Variants in GRHL2 observed in about 807,000 individuals in gnomAD.
GRHL2 encodes grainyhead like transcription factor 2.
A neutral mutation model predicts 83.8 loss-of-function variants in GRHL2; 21 were observed. That is an observed-to-expected ratio of 0.25 (90% CI 0.18 to 0.36). GRHL2 has a LOEUF of 0.36. GRHL2 is among the 10% of genes least tolerant of loss of function. The probability of loss-of-function intolerance (pLI) is 1.00; values close to 1 mark genes in which losing one functional copy is unlikely to be tolerated. For missense variants in GRHL2, 623 were observed against 781.8 expected, an observed-to-expected ratio of 0.80 and a Z score of 2.42; for synonymous variants, 280 against 278.9, an observed-to-expected ratio of 1.00 and a Z score of -0.04.
intron 1 of GRHL2, among the ~76,000 whole-genome samples, chr8:101,537,216 A>G (rs1811061940): frequency 6.6e-6 from 1 of 152,170 alleles, no homozygotes; most frequent in African/African-American, 2.4e-5. Context: ...AAAGGATTCT[A>G]TGTAGAAATA....
chr8:101,579,827 C>T (rs1586114299), intron 7 of GRHL2, among the ~76,000 whole-genome samples: 1 of 152,140 alleles, frequency 6.6e-6, no homozygotes, highest in East Asian at 1.9e-4. Context: ...GAGAAGGTTT[C>T]TGAGGTCACT....
intron 3 of GRHL2, among the ~76,000 whole-genome samples, chr8:101,557,219 C>A (rs1811505877): frequency 7.5e-6 from 1 of 133,840 alleles, no homozygotes; most frequent in Admixed American, 8.2e-5. Flanking sequence ...ACTGAATTAA[C>A]AATACTTTTT....
At chr8:101,507,123 T>C (rs1810356633) in intron 1 of GRHL2, among the ~76,000 whole-genome samples, 1 of 152,210 alleles carries the variant, frequency 6.6e-6, no homozygotes, top group African/African-American at 2.4e-5. Flanking sequence ...TATTCAAAAA[T>C]AAATTGAGAT....
chr8:101,540,766 A>G (rs1480564792), intron 1 of GRHL2, among the ~76,000 whole-genome samples: 6 of 152,236 alleles, frequency 3.9e-5, no homozygotes. Context: ...TAGGAATGTC[A>G]GCAAAAATAG....
chr8:101,529,823 C>T (rs1327941413), intron 1 of GRHL2, among the ~76,000 whole-genome samples: 1 of 152,116 alleles, frequency 6.6e-6, no homozygotes, highest in Admixed American at 6.5e-5. Flanking sequence ...AAGCTCTGGC[C>T]ACAGGCTCTG....
chr8:101,492,845 A>T, intron 1 of GRHL2, 56 bp downstream of exon 1: 1 of 1,540,276 alleles, frequency 6.5e-7, no homozygotes, highest in South Asian at 1.1e-5. Flanking sequence ...GGCTGATGGC[A>T]ACTGGTTTGT....
At chr8:101,547,641 C>T (rs953748143) in intron 2 of GRHL2, among the ~76,000 whole-genome samples, 2 of 152,196 alleles carry the variant, frequency 1.3e-5, no homozygotes, top group East Asian at 3.8e-4. Flanking sequence ...GTGGGATTTA[C>T]CCAAGATCAC....
chr8:101,652,031 A>G (rs1813632958), intron 14 of GRHL2, among the ~76,000 whole-genome samples: 2 of 152,126 alleles, frequency 1.3e-5, no homozygotes, highest in South Asian at 4.1e-4. Flanking sequence ...AAGCAAGGGC[A>G]TAAGCATGCT....
At chr8:101,566,873 G>A (rs906441267) in intron 4 of GRHL2, among the ~76,000 whole-genome samples, 3 of 151,570 alleles carry the variant, frequency 2.0e-5, no homozygotes, top group South Asian at 2.1e-4. Context: ...TTTGATTAGC[G>A]TTTTTTCCTA....
intron 7 of GRHL2, among the ~76,000 whole-genome samples, chr8:101,590,563 T>C (rs1812257980): frequency 6.6e-6 from 1 of 152,164 alleles, no homozygotes; most frequent in African/African-American, 2.4e-5. Context: ...GTCTCTATTT[T>C]GTAGATTAGG....
chr8:101,539,413 C>A (rs975368611), intron 1 of GRHL2, among the ~76,000 whole-genome samples: 6 of 152,152 alleles, frequency 3.9e-5, no homozygotes, highest in Non-Finnish European at 8.8e-5. Context: ...GTTTTACTCT[C>A]CAAGTGGAGG....
Position 101,532,034 on chromosome 8 carries a change from G to A in GRHL2, c.21-11207G>A, listed in dbSNP as rs567192410. Among the ~76,000 whole-genome samples the A allele has an allele frequency of 2.6e-5, 4 of 152,282 alleles. No homozygotes were observed. In the South Asian group the frequency reaches 6.2e-4, roughly 24 times the overall value. ...TTTCCCGAGCATAGCCATCTTTAAC[G>A]TGAAGCTATCAATATCGTCCTGGGC... On this transcript the variant is annotated intron_variant, in intron 1 of 15. Coordinates refer to ENST00000646743, the MANE Select transcript of GRHL2 (RefSeq NM_024915.4).
At chr8:101,592,103 T>TC (rs1554589905) in intron 7 of GRHL2, among the ~76,000 whole-genome samples, 4 of 130,476 alleles carry the variant, frequency 3.1e-5, no homozygotes, top group African/African-American at 8.9e-5. Flanking sequence ...TTCTTTTCTT[T>TC]TTTTTTTTTT....
At chr8:101,514,779 G>A (rs536635527) in intron 1 of GRHL2, among the ~76,000 whole-genome samples, 1 of 152,270 alleles carries the variant, frequency 6.6e-6, no homozygotes, top group South Asian at 2.1e-4. Context: ...TTAGGCAGAC[G>A]AATGTTAGGA....
chr8:101,631,289 T>C (rs538952257), intron 9 of GRHL2, among the ~76,000 whole-genome samples: 1 of 152,344 alleles, frequency 6.6e-6, no homozygotes, highest in Non-Finnish European at 1.5e-5. Context: ...CTTCTGACAT[T>C]TTATTATAAT....
chr8:101,646,417 T>C (rs1242818942), intron 13 of GRHL2, among the ~76,000 whole-genome samples: 10 of 152,318 alleles, frequency 6.6e-5, no homozygotes, highest in African/African-American at 2.4e-4. Context: ...GAAATTGTAC[T>C]GGGCTGTGGC....
chr8:101,596,536 A>C (rs1812395096), intron 7 of GRHL2, among the ~76,000 whole-genome samples: 1 of 152,246 alleles, frequency 6.6e-6, no homozygotes, highest in Non-Finnish European at 1.5e-5. Context: ...TGGCCAAGAC[A>C]AGCAAAATAA....
chr8:101,632,115 A>G (rs536484038), intron 10 of GRHL2, 111 bp from the exon 11 acceptor site: 68 of 1,151,728 alleles, frequency 5.9e-5, no homozygotes, highest in Middle Eastern at 4.0e-4. Flanking sequence ...GTTCACATCT[A>G]TGGTATTCAG....
At chr8:101,610,256 A>G (rs1812721337) in intron 8 of GRHL2, among the ~76,000 whole-genome samples, 1 of 151,110 alleles carries the variant, frequency 6.6e-6, no homozygotes, top group Non-Finnish European at 1.5e-5. Context: ...CCTTAATTAA[A>G]TGTTTGTTCC....
Sources: allele counts gnomAD v4.1 joint callset (sites outside exome capture counted in the v4.1 genomes callset), GRCh38; gene constraint gnomAD v4.1.1; transcripts MANE v1.5; gene names NCBI Gene and HGNC (gene_info 2026-07-23, HGNC 2026-07-21).